PITPNA: variants seen among roughly 807,000 people sequenced by gnomAD.
PITPNA encodes phosphatidylinositol transfer protein alpha isoform.
In PITPNA, 13 loss-of-function variants were observed where a neutral mutation model predicts 50.3. That is an observed-to-expected ratio of 0.26 (90% CI 0.17 to 0.41). PITPNA has a LOEUF of 0.41. Among genes scored for constraint, PITPNA ranks in the 10% least tolerant of loss-of-function variants. The probability of loss-of-function intolerance (pLI) is 1.00; values close to 1 mark genes in which losing one functional copy is unlikely to be tolerated. For missense variants in PITPNA, 207 were observed against 333.4 expected (o/e 0.62, Z 2.95); for synonymous variants, 120 against 119.6 (o/e 1.00, Z -0.02).
intron 10 of PITPNA, among the ~76,000 whole-genome samples, chr17:1,523,548 G>A (rs1368110735): frequency 2.9e-5 from 4 of 139,486 alleles, no homozygotes; most frequent in Non-Finnish European, 3.0e-5. Flanking sequence ...TCTCTCTGTC[G>A]CCAGGCTGGA....
In PITPNA at chr17:1,519,118, A is replaced by G. The variant is rs1389315206; in HGVS notation, c.*1443T>C. The G allele has an allele frequency of 1.3e-5, 2 of 152,546 alleles. No individual in the cohort carries two copies. Among genetic ancestry groups the G allele is most frequent in the Non-Finnish European group, 2.9e-5 (2 of 68,046 alleles). The allele number at this position is 152,546 out of a possible 1,614,324, so 9.4% of individuals were successfully genotyped here. Reference sequence around the variant, plus strand: ...AGACACTCCCTTATTGCACTTAGAAATGAGTAAGGCAAACAAACTGACAAA... The same window carrying G: ...AGACACTCCCTTATTGCACTTAGAAGTGAGTAAGGCAAACAAACTGACAAA... On this transcript the variant is annotated 3_prime_UTR_variant, in exon 12 of 12. Transcript: ENST00000313486.
intron 3 of PITPNA, among the ~76,000 whole-genome samples, chr17:1,550,142 G>A (rs1010398827): frequency 6.6e-6 from 1 of 152,200 alleles, no homozygotes; most frequent in African/African-American, 2.4e-5. Flanking sequence ...TCCCCATTCA[G>A]GCGAGTATTT....
chr17:1,558,230 C>CACAA, intron 2 of PITPNA, among the ~76,000 whole-genome samples: 2 of 104,220 alleles, frequency 1.9e-5, no homozygotes, highest in Non-Finnish European at 3.8e-5. Flanking sequence ...GACTCCGTCT[C>CACAA]AAAAAAAAAA....
intron 2 of PITPNA, among the ~76,000 whole-genome samples, chr17:1,557,901 G>C (rs75659293): frequency 0.046 from 7,079 of 152,246 alleles, 200 homozygotes; most frequent in Non-Finnish European, 0.069. Context: ...GCCGAGTCAC[G>C]GACGTCCCAG....
At chr17:1,532,588 TTGTC>T (rs2075590852) in intron 10 of PITPNA, among the ~76,000 whole-genome samples, 1 of 152,162 alleles carries the variant, frequency 6.6e-6, no homozygotes, top group Non-Finnish European at 1.5e-5. Context: ...ATGCTGGCCT[TTGTC>T]AGGCAGTGGA....
intron 10 of PITPNA, among the ~76,000 whole-genome samples, chr17:1,531,028 G>A (rs906634528): frequency 1.3e-5 from 2 of 152,144 alleles, no homozygotes; most frequent in African/African-American, 2.4e-5. Context: ...TGGAAGTCAA[G>A]CAACCACCCT....
intron 3 of PITPNA, among the ~76,000 whole-genome samples, chr17:1,551,118 G>C (rs770521589): frequency 4.0e-4 from 60 of 151,866 alleles, no homozygotes; most frequent in Non-Finnish European, 2.9e-4. Context: ...AGTGTTGCGG[G>C]GCGGAGTCAG....
intron 1 of PITPNA, among the ~76,000 whole-genome samples, chr17:1,560,875 G>T (rs1334592201): frequency 6.6e-6 from 1 of 152,202 alleles, no homozygotes; most frequent in Admixed American, 6.5e-5. Context: ...GAGGTGTTTA[G>T]CTGGGATGAC....
At chr17:1,558,340 A>G (rs2075749078) in intron 2 of PITPNA, among the ~76,000 whole-genome samples, 189 bp downstream of exon 2, 1 of 152,188 alleles carries the variant, frequency 6.6e-6, no homozygotes, top group Admixed American at 6.5e-5. Context: ...CAGGTTGCAC[A>G]CAGTTACCCA....
chr17:1,520,711 TCCGCC>T (rs539238396), intron 11 of PITPNA, among the ~76,000 whole-genome samples, 173 bp from the exon 12 acceptor site: 289 of 152,232 alleles, frequency 1.9e-3, no homozygotes, highest in Admixed American at 3.3e-3. Context: ...ATCACAGCAG[TCCGCC>T]TCATTCCACC....
chr17:1,535,386 G>A lies in PITPNA; in HGVS notation c.534+55C>T. The A allele has an allele frequency of 5.2e-6, 8 of 1,531,918 alleles. No homozygotes were observed. The Middle Eastern group carries it at 6.8e-4, about 130-fold the overall frequency. The allele number at this position is 1,531,918 out of a possible 1,614,324, so 94.9% of individuals were successfully genotyped here. A position where few individuals can be genotyped will look rare whatever the true frequency, so the allele number is the denominator to read the frequency against. Reference sequence around the variant, plus strand: ...CCCAGCCATGCCCCTCCTCCACAGGGAGCGGCCCACCCACATGCTGCCCAG... The same window carrying A: ...CCCAGCCATGCCCCTCCTCCACAGGAAGCGGCCCACCCACATGCTGCCCAG... On this transcript the variant is annotated intron_variant, in intron 8 of 11. Transcript: ENST00000313486.
intron 6 of PITPNA, among the ~76,000 whole-genome samples, chr17:1,541,304 C>T (rs2075646696): frequency 6.6e-6 from 1 of 152,090 alleles, no homozygotes; most frequent in African/African-American, 2.4e-5. Flanking sequence ...TAATTTTGGT[C>T]TTTTAAAGAT....
At chr17:1,535,136 AAC>A (rs762912726) in intron 9 of PITPNA, 44 bp downstream of exon 9, 3 of 1,074,120 alleles carry the variant, frequency 2.8e-6, no homozygotes, top group Non-Finnish European at 2.7e-6. Flanking sequence ...ACCCCCCCAC[AAC>A]ACACACACGC....
chr17:1,532,674 T>A (rs1446683057), intron 10 of PITPNA, among the ~76,000 whole-genome samples: 4 of 152,218 alleles, frequency 2.6e-5, no homozygotes, highest in African/African-American at 9.6e-5. Flanking sequence ...TTTCCCTTTC[T>A]TTTTGTCAGG....
At chr17:1,547,061 G>A (rs763594338) in intron 4 of PITPNA, among the ~76,000 whole-genome samples, 2 of 151,870 alleles carry the variant, frequency 1.3e-5, no homozygotes, top group Non-Finnish European at 2.9e-5. Context: ...ATTCACTGAA[G>A]AAAAATGAGA....
intron 7 of PITPNA, among the ~76,000 whole-genome samples, chr17:1,536,437 G>A (rs956820086): frequency 2.0e-5 from 3 of 151,248 alleles, no homozygotes; most frequent in Non-Finnish European, 3.0e-5. Flanking sequence ...ACAGGTGCCC[G>A]CCACCATGCC....
At chr17:1,552,976 AT>A (rs750745712) in intron 3 of PITPNA, 27 bp downstream of exon 3, 17 of 1,611,466 alleles carry the variant, frequency 1.1e-5, no homozygotes, top group Middle Eastern at 1.7e-4. Flanking sequence ...AAAAGCCAGC[AT>A]CCGGCCCCGC....
At chr17:1,556,405 C>T (rs953449086) in intron 2 of PITPNA, among the ~76,000 whole-genome samples, 7 of 152,162 alleles carry the variant, frequency 4.6e-5, no homozygotes, top group Non-Finnish European at 5.9e-5. Flanking sequence ...AGTGAACACC[C>T]GCCAACTGTG....
At chr17:1,543,078 T>C in intron 4 of PITPNA, 51 bp from the exon 5 acceptor site, 1 of 1,465,012 alleles carries the variant, frequency 6.8e-7, no homozygotes, top group Non-Finnish European at 9.3e-7. Flanking sequence ...TTAATGAAGA[T>C]GAAGAAATAT....
Sources: allele counts gnomAD v4.1 joint callset (sites outside exome capture counted in the v4.1 genomes callset), GRCh38; gene constraint gnomAD v4.1.1; transcripts MANE v1.5; gene names NCBI Gene and HGNC (gene_info 2026-07-23, HGNC 2026-07-21).